MED12L: variants seen among roughly 807,000 people sequenced by gnomAD.
MED12L encodes the protein mediator of RNA polymerase II transcription subunit 12-like protein.
In MED12L, 60 loss-of-function variants were observed where a neutral mutation model predicts 281.3. The observed-to-expected ratio is 0.21, with a 90% CI of 0.17 to 0.26. MED12L has a LOEUF of 0.26. Among genes scored for constraint, MED12L ranks in the 10% least tolerant of loss-of-function variants. The pLI is 1.00. For synonymous variants in MED12L, 974 were observed against 987.2 expected (o/e 0.99, Z 0.25); for missense variants, 2,146 against 2,680.9 (o/e 0.80, Z 4.41).
chr3:151,293,616 C>CACACACACCCTCT (rs1744581154), intron 16 of MED12L, among the ~76,000 whole-genome samples: 1 of 78,634 alleles, frequency 1.3e-5, no homozygotes, highest in Non-Finnish European at 3.1e-5. Context: ...CACACACACA[C>CACACACACCCTCT]ACGGTCCTAA....
intron 36 of MED12L, 93 bp downstream of exon 36, chr3:151,385,284 A>AT: frequency 1.4e-6 from 1 of 699,244 alleles, no homozygotes; most frequent in Non-Finnish European, 2.3e-6. Context: ...AAATATATTA[A>AT]TTTTGCTGTT....
At chr3:151,182,956 A>G (rs1451703991) in intron 11 of MED12L, among the ~76,000 whole-genome samples, 1 of 152,170 alleles carries the variant, frequency 6.6e-6, no homozygotes, top group Non-Finnish European at 1.5e-5. Context: ...AATAGGGCAG[A>G]ACACAGTGCC....
chr3:151,190,947 TG>T lies in MED12L; in HGVS notation c.1968+17del. ...GAAAATGGAGGTATGGCCCTGGATA[TG>T]ATGCCCCACTCCCCCAGAAACTAAA... On this transcript the variant is annotated intron_variant, in intron 14 of 44. Coordinates refer to ENST00000687756, the MANE Select transcript of MED12L (RefSeq NM_001393769.1). 6.2e-7 allele frequency: 1 copy of T among 1,609,636 alleles called. No homozygotes were observed. The highest frequency in any genetic ancestry group is 8.5e-7 in the Non-Finnish European group (1 of 1,176,478).
intron 16 of MED12L, among the ~76,000 whole-genome samples, chr3:151,230,098 T>C (rs1389680268): frequency 6.6e-6 from 1 of 152,168 alleles, no homozygotes; most frequent in East Asian, 1.9e-4. Flanking sequence ...GCCTCCCAAG[T>C]AGCTGGGACT....
rs1241458179 is a variant in MED12L, at chr3:151,163,918, C to G, written c.1133C>G (p.Ala378Gly). 1 of 1,613,270 alleles carries G rather than the reference C, an allele frequency of 6.2e-7. No individual in the cohort carries two copies. Among genetic ancestry groups the G allele is most frequent in the Non-Finnish European group, 8.5e-7 (1 of 1,179,610 alleles). ...ACTGTCACTCTCTGTTGCCCAAGTG[C>G]CTTGGTGTGGAATTATTCCACAAAT... ...LQTVTLCCPS[A>G]LVWNYSTNEN... is the part of the protein sequence containing the mutation. Residue 378 changes from alanine (A) to glycine (G), a missense_variant, in exon 9 of 45, where the codon GCC becomes GGC. Coordinates refer to ENST00000687756, the MANE Select transcript of MED12L (RefSeq NM_001393769.1).
At chr3:151,295,245 C>A in intron 16 of MED12L, 1 of 1,471,796 alleles carries the variant, frequency 6.8e-7, no homozygotes. Context: ...GACTTCAGTG[C>A]TTGGCAAGCA....
At chr3:151,338,524 T>A (rs367926037) in intron 16 of MED12L, 4 of 1,613,832 alleles carry the variant, frequency 2.5e-6, no homozygotes, top group Non-Finnish European at 3.4e-6. Context: ...CTGATATACA[T>A]TGTGAAATAA....
At chr3:151,381,556 G>A (rs911141760) in intron 32 of MED12L, among the ~76,000 whole-genome samples, 2 of 152,098 alleles carry the variant, frequency 1.3e-5, no homozygotes, top group Admixed American at 6.5e-5. Flanking sequence ...CCCTTTAGGT[G>A]GAAAGATTCC....
Position 151,192,767 on chromosome 3 carries a change from C to T in MED12L, c.2073+113C>T, listed in dbSNP as rs552620441. The T allele has an allele frequency of 5.3e-5, 38 of 723,490 alleles. No individual in the cohort carries two copies. In the East Asian group the frequency reaches 8.6e-4, roughly 16 times the overall value. 44.8% of individuals were successfully genotyped at this position (723,490 alleles called of 1,614,324 possible). On this transcript the variant is annotated intron_variant, in intron 15 of 44. Coordinates refer to ENST00000687756, the MANE Select transcript of MED12L (RefSeq NM_001393769.1). ...GACTTGCACATTTGTGATATGTAAT[C>T]TTGCCATATTCTTCCTTTGGTACAA...
chr3:151,199,510 C>T, intron 16 of MED12L: 2 of 775,538 alleles, frequency 2.6e-6, no homozygotes, highest in South Asian at 3.8e-5. Flanking sequence ...AGACATTGGT[C>T]TTCACAATAC....
At chr3:151,182,589 G>C (rs960311447) in intron 11 of MED12L, among the ~76,000 whole-genome samples, 1 of 152,132 alleles carries the variant, frequency 6.6e-6, no homozygotes, top group Non-Finnish European at 1.5e-5. Context: ...GGAGGGAAGG[G>C]GCTGCCAACA....
chr3:151,431,534 T>G (rs1403554404), intron 44 of MED12L, among the ~76,000 whole-genome samples: 1 of 152,226 alleles, frequency 6.6e-6, no homozygotes, highest in Non-Finnish European at 1.5e-5. Flanking sequence ...AATCTTCATT[T>G]CTAGCTACTG....
At position 151,384,168 on chromosome 3, in the gene MED12L, G is replaced by A. The variant is rs780352412; in HGVS notation, c.4876G>A (p.Gly1626Arg). Residue 1626 changes from glycine (G) to arginine (R), a missense_variant, in exon 35 of 45, where the codon GGA (glycine) becomes AGA (arginine). Gly to Arg is a moderately radical substitution (Grantham distance 125, BLOSUM62 -2). Transcript: ENST00000687756. ...ASDLSNASPGGSEENKRAYMN... is the reference protein window; with the variant it reads ...ASDLSNASPGRSEENKRAYMN... The stretch of plus-strand genomic sequence containing the variant: ...TGACCTATCAAATGCATCCCCTGGG[G>A]GATCTGAAGAGAACAAGCGTGCATA... 7 of 1,613,744 alleles carry A rather than the reference G, an allele frequency of 4.3e-6. No homozygotes were observed. The African/African-American group carries it at 5.3e-5, about 12-fold the overall frequency.
At chr3:151,160,936 C>T (rs1171087418) in intron 8 of MED12L, among the ~76,000 whole-genome samples, 1 of 152,136 alleles carries the variant, frequency 6.6e-6, no homozygotes, top group Non-Finnish European at 1.5e-5. Flanking sequence ...TAAAAGTTTC[C>T]TGGCAGGGGA....
chr3:151,363,587 T>C (rs979146161), intron 21 of MED12L, among the ~76,000 whole-genome samples: 3 of 152,198 alleles, frequency 2.0e-5, no homozygotes, highest in Admixed American at 6.5e-5. Context: ...AATTGCAAAC[T>C]TGTATCCTTC....
chr3:151,417,476 T>C (rs915728811), intron 43 of MED12L, among the ~76,000 whole-genome samples: 2,494 of 28,610 alleles, frequency 0.087, 1 homozygote, highest in Middle Eastern at 0.12. Flanking sequence ...CTCCCCCAGC[T>C]CCCCCCCCGC....
At chr3:151,151,694 G>A (rs1190542609) in intron 5 of MED12L, among the ~76,000 whole-genome samples, 1 of 152,074 alleles carries the variant, frequency 6.6e-6, no homozygotes, top group Admixed American at 6.5e-5. Context: ...GGAATGGTTC[G>A]TGGCACCTCA....
chr3:151,122,674 G>T, intron 3 of MED12L, 109 bp from the exon 4 acceptor site: 1 of 728,862 alleles, frequency 1.4e-6, no homozygotes, highest in Non-Finnish European at 2.1e-6. Context: ...ATTTTCTGAT[G>T]GGATGTATGA....
At chr3:151,313,909 C>T (rs548103934) in intron 16 of MED12L, among the ~76,000 whole-genome samples, 44 of 142,644 alleles carry the variant, frequency 3.1e-4, no homozygotes, top group Admixed American at 8.7e-4. Flanking sequence ...GGTGACAGAG[C>T]GAGACTCCGT....
Sources: gnomAD v4.1 joint callset for allele counts (sites outside exome capture counted in the v4.1 genomes callset) on GRCh38, gnomAD v4.1.1 for gene constraint, MANE v1.5 for transcripts, NCBI Gene and HGNC (gene_info 2026-07-23, HGNC 2026-07-21) for gene names.